TRAPPC2L: variants seen among roughly 807,000 people sequenced by gnomAD.
TRAPPC2L encodes the protein trafficking protein particle complex subunit 2L.
In TRAPPC2L, 17 loss-of-function variants were observed where a neutral mutation model predicts 13.2. The observed-to-expected ratio is 1.29, with a 90% CI of 0.88 to 1.93. TRAPPC2L has a LOEUF of 1.93. Ranked by LOEUF, TRAPPC2L falls within the 30% of genes most tolerant of loss-of-function variation. TRAPPC2L has a pLI of 0.00. For synonymous variants in TRAPPC2L, 150 were observed against 98.1 expected (o/e 1.53, Z -3.12); for missense variants, 359 against 252.1 (o/e 1.42, Z -2.87).
At chr16:88,862,101 C>T (rs1208301725) in exon 4 of TRAPPC2L, 1 of 155,616 alleles carries the variant, frequency 6.4e-6, no homozygotes, top group Non-Finnish European at 1.4e-5. Flanking sequence ...ACAAGAGCCT[C>T]ATGTTTGTTA....
rs764933922 is a variant in TRAPPC2L, at chr16:88,859,764, T to C, written c.294+14T>C. On this transcript the variant is annotated intron_variant, in intron 3 of 3. Transcript: ENST00000565504. ...GAAATTCGCAGCGTAAGTCAGGGAG[T>C]TAGAGGGCCACGCCCGAGTGGGTGT... The C allele has an allele frequency of 1.2e-6, 2 of 1,610,504 alleles. No homozygotes were observed. Among genetic ancestry groups the C allele is most frequent in the South Asian group, 2.2e-5 (2 of 90,660 alleles).
upstream of TRAPPC2L, chr16:88,856,923 C>T: frequency 6.7e-7 from 1 of 1,482,958 alleles, no homozygotes; most frequent in Non-Finnish European, 8.9e-7. Flanking sequence ...GCCGACCTAG[C>T]GAGCGTCCGC....
At chr16:88,857,576 A>C (rs1157300529) in intron 1 of TRAPPC2L, 1 of 242,440 alleles carries the variant, frequency 4.1e-6, no homozygotes, top group African/African-American at 2.2e-5. Context: ...CCGAGTTAAA[A>C]ACAAATCGGA....
At chr16:88,858,733 C>G (rs1344770903) in exon 2 of TRAPPC2L, 2 of 1,613,514 alleles carry the variant, frequency 1.2e-6, no homozygotes, top group Non-Finnish European at 1.7e-6. Context: ...GGGGAAGGCC[C>G]TGGTCGACCA....
chr16:88,857,216 G>T, intron 1 of TRAPPC2L, 33 bp downstream of exon 1: 2 of 1,514,790 alleles, frequency 1.3e-6, no homozygotes, highest in Non-Finnish European at 8.9e-7. Context: ...GTCCGGGCTC[G>T]CACCATCCTC....
exon 4 of TRAPPC2L, chr16:88,861,779 G>A (rs374448334): frequency 2.8e-5 from 12 of 421,824 alleles, no homozygotes; most frequent in South Asian, 9.8e-5. Flanking sequence ...GGACTGGAGA[G>A]TTTCTCAAGG....
At chr16:88,861,194 G>A (rs1368559488) in exon 4 of TRAPPC2L, 8 of 558,152 alleles carry the variant, frequency 1.4e-5, no homozygotes, top group Non-Finnish European at 1.9e-5. Context: ...TGTGGGCAGA[G>A]GTTTGGGATC....
intron 1 of TRAPPC2L, chr16:88,857,460 G>C (rs1336746989): frequency 2.3e-6 from 1 of 430,724 alleles, no homozygotes; most frequent in African/African-American, 2.1e-5. Flanking sequence ...AGGTGGTCCC[G>C]GGCACTACCT....
chr16:88,860,408 T>C, exon 4 of TRAPPC2L: 1 of 608,272 alleles, frequency 1.6e-6, no homozygotes, highest in South Asian at 2.0e-5. Flanking sequence ...GATTTAACTT[T>C]TGAACATCAT....
exon 4 of TRAPPC2L, chr16:88,861,169 A>G: frequency 1.7e-6 from 1 of 592,752 alleles, no homozygotes; most frequent in Non-Finnish European, 3.0e-6. Context: ...AATTCAACTA[A>G]GGACTTTTCT....
chr16:88,856,290 C>A (rs1010777783), upstream of TRAPPC2L: 1 of 702,860 alleles, frequency 1.4e-6, no homozygotes, highest in African/African-American at 1.7e-5. Context: ...CCCGAGGTGG[C>A]GGGAGTGATT....
chr16:88,861,356 G>T, exon 4 of TRAPPC2L: 1 of 355,802 alleles, frequency 2.8e-6, no homozygotes, highest in Non-Finnish European at 5.5e-6. Context: ...GGCCTCCTGA[G>T]CCCAGAACCA....
intron 1 of TRAPPC2L, 28 bp downstream of exon 1, chr16:88,857,211 G>A (rs1261773088): frequency 1.3e-6 from 2 of 1,530,634 alleles, no homozygotes; most frequent in Admixed American, 1.9e-5. Flanking sequence ...GGGGCGTCCG[G>A]GCTCGCACCA....
chr16:88,857,436 C>T (rs1434193006), intron 1 of TRAPPC2L: 2 of 464,286 alleles, frequency 4.3e-6, no homozygotes, highest in Middle Eastern at 3.9e-4. Flanking sequence ...CCCGCCAGGA[C>T]CCACCAGAAA....
chr16:88,859,092 T>C (rs1035361266), intron 2 of TRAPPC2L: 1 of 470,366 alleles, frequency 2.1e-6, no homozygotes, highest in African/African-American at 2.0e-5. Context: ...TTTCTGTGCT[T>C]TTCAGGGGGA....
At chr16:88,856,762 T>C (rs1967935882), upstream of TRAPPC2L, 6 of 1,518,082 alleles carry the variant, frequency 4.0e-6, no homozygotes, top group South Asian at 1.2e-5. Context: ...ACTCACGTCG[T>C]CCATGAGCAG....
At chr16:88,861,398 C>T (rs756787246) in exon 4 of TRAPPC2L, 17 of 343,788 alleles carry the variant, frequency 4.9e-5, no homozygotes, top group Non-Finnish European at 9.2e-5. Flanking sequence ...GGGGAGCCGG[C>T]GTGGCTTCCC....
At position 88,857,198 on chromosome 16, in the gene TRAPPC2L, C is replaced by T. The variant is rs1326995974; in HGVS notation, c.33+15C>T. The T allele has an allele frequency of 4.5e-6, 7 of 1,563,576 alleles. 1 individual carries two copies. Among genetic ancestry groups the T allele is most frequent in the South Asian group, 2.3e-5 (2 of 86,258 alleles). On this transcript the variant is annotated intron_variant, in intron 1 of 3. Coordinates refer to ENST00000565504, the Ensembl canonical transcript of TRAPPC2L. ...TTGCCAAGGAGGTGCGTACGCGCGG[C>T]GTGGGGCGTCCGGGCTCGCACCATC...
chr16:88,858,639 C>T (rs779940140), exon 2 of TRAPPC2L: 1 of 1,613,098 alleles, frequency 6.2e-7, no homozygotes. Flanking sequence ...TCTACATTCG[C>T]AGCACCCCTA....
Sources: allele counts gnomAD v4.1 joint callset, GRCh38; gene constraint gnomAD v4.1.1; transcripts MANE v1.5; gene names NCBI Gene and HGNC (gene_info 2026-07-23, HGNC 2026-07-21).